Variants in PCDHGB4 observed in about 807,000 individuals in gnomAD.
The protein encoded by PCDHGB4 is protocadherin gamma subfamily B, 4.
In PCDHGB4, 38 loss-of-function variants were observed where a neutral mutation model predicts 60.5. The ratio of observed to expected loss-of-function variants is 0.63; its 90% CI spans 0.48 to 0.82. The LOEUF (loss-of-function observed/expected upper bound fraction) is 0.82, where lower values mean the gene tolerates loss of function less well. PCDHGB4 is among the 40% of genes least tolerant of loss of function. PCDHGB4 has a pLI of 0.00. For synonymous variants in PCDHGB4, 456 were observed against 509.7 expected, an observed-to-expected ratio of 0.89 and a Z score of 1.42; for missense variants, 1,109 against 1,209.6, an observed-to-expected ratio of 0.92 and a Z score of 1.23.
chr5:141,413,248 GGGATTCCATGGGA>G (rs1349440144), intron 1 of PCDHGB4: 4 of 1,613,844 alleles, frequency 2.5e-6, no homozygotes, highest in Non-Finnish European at 2.5e-6. Context: ...CCTTTTCTTC[GGGATTCCATGGGA>G]GGCTGGAGCC....
rs1424221139 is a variant in PCDHGB4, at chr5:141,491,867, T to G, written c.2398-2940T>G. On this transcript the variant is annotated intron_variant, in intron 1 of 3. Coordinates refer to ENST00000519479, the MANE Select transcript of PCDHGB4 (RefSeq NM_003736.4). The surrounding 1 kb of genome is among the most constrained non-coding windows in gnomAD (Gnocchi z 6.9). ...TTGGACCGTTTGCGCGAAACCAGAG[T>G]GGCCGATTAAGGGATGGGGCTCCGA... 2 of 1,452,218 alleles carry G rather than the reference T, an allele frequency of 1.4e-6. No homozygotes were observed. The highest frequency in any genetic ancestry group is 1.8e-6 in the Non-Finnish European group (2 of 1,099,056). 90.0% of individuals were successfully genotyped at this position (1,452,218 alleles called of 1,614,324 possible).
intron 1 of PCDHGB4, among the ~76,000 whole-genome samples, chr5:141,482,178 C>T (rs950570560): frequency 2.6e-5 from 4 of 151,968 alleles, no homozygotes; most frequent in African/African-American, 4.8e-5. Context: ...TAAGGCTTTA[C>T]GATGCTCCAG....
chr5:141,467,055 C>CTTTTT (rs1193465269), intron 1 of PCDHGB4, among the ~76,000 whole-genome samples: 1 of 134,496 alleles, frequency 7.4e-6, no homozygotes, highest in Non-Finnish European at 1.6e-5. Context: ...TCAATGTTTT[C>CTTTTT]TTTTTTTTTT....
At chr5:141,506,787 G>A (rs55775963) in intron 3 of PCDHGB4, among the ~76,000 whole-genome samples, 1,925 of 152,270 alleles carry the variant, frequency 0.013, 43 homozygotes, top group African/African-American at 0.044. Flanking sequence ...CTTATAAGGA[G>A]GCTGGCAGAG....
At position 141,388,314 on chromosome 5, in the gene PCDHGB4, G is replaced by C; in HGVS notation, c.430G>C (p.Glu144Gln). 1 of 1,613,824 alleles carries C rather than the reference G, an allele frequency of 6.2e-7. No individual in the cohort carries two copies. Among genetic ancestry groups the C allele is most frequent in the Non-Finnish European group, 8.5e-7 (1 of 1,179,852 alleles). ...TQNSFELQIS[E>Q]SAQPGTRFIL... ...AAATTCCTTTGAGCTGCAAATAAGT[G>C]AGTCTGCACAGCCTGGCACACGATT... Residue 144 changes from glutamate (E) to glutamine (Q), a missense_variant, in exon 1 of 4, where the codon GAG becomes CAG. Physicochemically the swap from Glu to Gln is conservative, Grantham distance 29. Transcript: ENST00000519479.
intron 1 of PCDHGB4, chr5:141,468,351 A>G (rs1030472813): frequency 6.7e-6 from 1 of 149,192 alleles, no homozygotes; most frequent in Non-Finnish European, 1.5e-5. Context: ...AAAAAAAAAG[A>G]AAGAAAAAAG....
At chr5:141,483,907 C>A (rs545585133) in intron 1 of PCDHGB4, among the ~76,000 whole-genome samples, 1 of 151,240 alleles carries the variant, frequency 6.6e-6, no homozygotes, top group East Asian at 1.9e-4. Context: ...TGGTGTGTTT[C>A]CCACTCAGAT....
At chr5:141,435,614 C>T (rs1274100711) in intron 1 of PCDHGB4, among the ~76,000 whole-genome samples, 1 of 152,056 alleles carries the variant, frequency 6.6e-6, no homozygotes, top group Non-Finnish European at 1.5e-5. Context: ...ACATTAAATT[C>T]CCCATAACTT....
At position 141,505,200 on chromosome 5, in the gene PCDHGB4, G is replaced by T. The variant is rs528060752; in HGVS notation, c.2457-193G>T. On this transcript the variant is annotated intron_variant, in intron 2 of 3. Transcript: ENST00000519479. ...AAAGCATCGGAGGCAGCAAAGAGCTGGTTTGAGGGACTGACTTGTGGGATT... is the reference window on the plus strand; with the variant it reads ...AAAGCATCGGAGGCAGCAAAGAGCTTGTTTGAGGGACTGACTTGTGGGATT... Among the ~76,000 whole-genome samples the T allele has an allele frequency of 6.6e-5, 10 of 152,244 alleles. No individual in the cohort carries two copies. The East Asian group carries it at 7.7e-4, about 12-fold the overall frequency.
At chr5:141,488,236 T>G (rs1333427955) in intron 1 of PCDHGB4, among the ~76,000 whole-genome samples, 2 of 152,154 alleles carry the variant, frequency 1.3e-5, no homozygotes, top group Non-Finnish European at 2.9e-5. Context: ...TTGAACTAGA[T>G]GCGGTAAATT....
At chr5:141,400,456 T>C (rs1439726103) in intron 1 of PCDHGB4, 2 of 1,614,090 alleles carry the variant, frequency 1.2e-6, no homozygotes, top group Non-Finnish European at 1.7e-6. Flanking sequence ...AGACATACTT[T>C]GTGGTGATTC....
chr5:141,418,738 T>G lies in PCDHGB4; in HGVS notation c.2397+28457T>G, dbSNP rs781221446. 4.3e-6 allele frequency: 7 copies of G among 1,613,964 alleles called. No homozygotes were observed. In the South Asian group the frequency reaches 6.6e-5, roughly 15 times the overall value. On this transcript the variant is annotated intron_variant, in intron 1 of 3. Transcript: ENST00000519479. ...CTGACAAAGCTCAGCACGTGTTCTC[T>G]CTGGATTACACTACAGGAAACATTC...
At chr5:141,461,507 T>C (rs1271911872) in intron 1 of PCDHGB4, among the ~76,000 whole-genome samples, 1 of 152,316 alleles carries the variant, frequency 6.6e-6, no homozygotes, top group East Asian at 1.9e-4. Context: ...TTCTTGGTGA[T>C]TTGTTAGTTC....
intron 2 of PCDHGB4, among the ~76,000 whole-genome samples, chr5:141,505,092 G>A (rs965653546): frequency 5.9e-5 from 9 of 152,170 alleles, no homozygotes; most frequent in African/African-American, 2.2e-4. Flanking sequence ...AACCCAGGAG[G>A]TGGATGTTGC....
Position 141,409,599 on chromosome 5 carries a change from C to A in PCDHGB4, c.2397+19318C>A, listed in dbSNP as rs753753955. The A allele has an allele frequency of 9.9e-6, 16 of 1,613,822 alleles. No individual in the cohort carries two copies. The Admixed American group carries it at 2.2e-4, about 22-fold the overall frequency. ...GTGGTCCACGTGGCCGAGAACAACC[C>A]GCCAGGAGCCTCCATTGCGCAAGTG... On this transcript the variant is annotated intron_variant, in intron 1 of 3. Transcript: ENST00000519479.
At chr5:141,411,556 C>A (rs2095498108) in intron 1 of PCDHGB4, 1 of 152,200 alleles carries the variant, frequency 6.6e-6, no homozygotes, top group Non-Finnish European at 1.5e-5. Context: ...TGCACTCCAG[C>A]CTGGGCGACA....
At chr5:141,509,310 G>A (rs1223508453) in intron 3 of PCDHGB4, among the ~76,000 whole-genome samples, 2 of 152,174 alleles carry the variant, frequency 1.3e-5, no homozygotes, top group Non-Finnish European at 1.5e-5. Flanking sequence ...GAGGGAGGCT[G>A]GGAGAGAAGC....
chr5:141,456,875 A>C (rs2098894225), intron 1 of PCDHGB4, among the ~76,000 whole-genome samples: 1 of 152,190 alleles, frequency 6.6e-6, no homozygotes, highest in African/African-American at 2.4e-5. Context: ...AGGCAGGAGA[A>C]TCGCTTGAAC....
chr5:141,437,719 TA>T (rs1316054877), intron 1 of PCDHGB4, among the ~76,000 whole-genome samples: 1 of 151,332 alleles, frequency 6.6e-6, no homozygotes, highest in African/African-American at 2.4e-5. Context: ...AGTTACCCTC[TA>T]ATGTTACACT....
Sources: gnomAD v4.1 joint callset for allele counts (sites outside exome capture counted in the v4.1 genomes callset) on GRCh38, gnomAD v4.1.1 for gene constraint, Gnocchi (gnomAD v3.1) non-coding constraint, MANE v1.5 for transcripts, NCBI Gene and HGNC (gene_info 2026-07-23, HGNC 2026-07-21) for gene names.